IL36RN: variants seen among roughly 807,000 people sequenced by gnomAD.
IL36RN encodes interleukin 36 receptor antagonist, also known as interleukin-36 receptor antagonist protein.
A neutral mutation model predicts 13.0 loss-of-function variants in IL36RN; 11 were observed. The observed-to-expected ratio is 0.85, with a 90% CI of 0.53 to 1.40. IL36RN has a LOEUF of 1.40. IL36RN is among the 40% of genes most tolerant of loss of function. The pLI is 0.00. For missense variants in IL36RN, 195 were observed against 195.3 expected, an observed-to-expected ratio of 1.00 and a Z score of 0.01; for synonymous variants, 94 against 84.1, an observed-to-expected ratio of 1.12 and a Z score of -0.64.
Position 113,062,934 on chromosome 2 carries a change from C to A in IL36RN, c.*257C>A. On this transcript the variant is annotated 3_prime_UTR_variant, in exon 5 of 5. Transcript: ENST00000393200. ...ACCATGTGGGGTAAACTGGGAATAA[C>A]ATGAAAAGATTTCTGTGGAGGTGGG... The A allele has an allele frequency of 7.8e-6, 4 of 515,032 alleles. No homozygotes were observed. The highest frequency in any genetic ancestry group is 3.6e-5 in the East Asian group (1 of 27,698). 31.9% of individuals were successfully genotyped at this position (515,032 alleles called of 1,614,324 possible).
intron 3 of IL36RN, among the ~76,000 whole-genome samples, chr2:113,061,584 A>C (rs1209437024): frequency 6.6e-6 from 1 of 151,574 alleles, no homozygotes; most frequent in Non-Finnish European, 1.5e-5. Context: ...GCATGTGTGC[A>C]TGCATGTATC....
chr2:113,060,772 A>G, intron 2 of IL36RN, 80 bp from the exon 3 acceptor site: 1 of 960,170 alleles, frequency 1.0e-6, no homozygotes, highest in Non-Finnish European at 1.7e-6. Flanking sequence ...GCCTGAGATC[A>G]GGGGGTTCTC....
rs1477198035 is a variant in IL36RN, at chr2:113,064,585, G to C, written c.*1908G>C. ...CATGCTATGAGCAGGCCTATAAAGA[G>C]ACTTACGTGGTAAAAAATGAAGTCT... is the stretch of plus-strand genomic sequence containing the variant. On this transcript the variant is annotated 3_prime_UTR_variant, in exon 5 of 5. Coordinates refer to ENST00000393200, the MANE Select transcript of IL36RN (RefSeq NM_012275.3). The C allele has an allele frequency of 1.3e-5, 2 of 152,144 alleles. No individual in the cohort carries two copies. Among genetic ancestry groups the C allele is most frequent in the Non-Finnish European group, 2.9e-5 (2 of 68,036 alleles). The allele number at this position is 152,144 out of a possible 1,614,324, so 9.4% of individuals were successfully genotyped here. A position where few individuals can be genotyped will look rare whatever the true frequency, so the allele number is the denominator to read the frequency against.
intron 2 of IL36RN, among the ~76,000 whole-genome samples, chr2:113,060,228 A>T (rs1573386000): frequency 1.3e-5 from 2 of 152,170 alleles, no homozygotes; most frequent in South Asian, 4.1e-4. Context: ...CTTTTCCCCC[A>T]TATAACTTTT....
chr2:113,060,498 G>A (rs764813483), intron 2 of IL36RN, among the ~76,000 whole-genome samples: 1 of 152,244 alleles, frequency 6.6e-6, no homozygotes, highest in Admixed American at 6.5e-5. Flanking sequence ...CAGGCCCAGA[G>A]TGGGCGAGAG....
chr2:113,060,768 G>C (rs556958016), intron 2 of IL36RN, 84 bp from the exon 3 acceptor site: 2 of 937,176 alleles, frequency 2.1e-6, no homozygotes, highest in East Asian at 2.5e-5. Flanking sequence ...AAATGCCTGA[G>C]ATCAGGGGGT....
intron 3 of IL36RN, among the ~76,000 whole-genome samples, chr2:113,061,921 G>A (rs886968059): frequency 9.9e-5 from 15 of 152,152 alleles, no homozygotes; most frequent in Non-Finnish European, 2.2e-4. Flanking sequence ...TGGAGTGGAG[G>A]TGGTACAATG....
chr2:113,059,363 C>A (rs2278716), intron 1 of IL36RN, 49 bp from the exon 2 acceptor site: 1 of 1,538,446 alleles, frequency 6.5e-7, no homozygotes, highest in African/African-American at 1.4e-5. Context: ...CAGACCCCAG[C>A]CAACTCAGCC....
In IL36RN at chr2:113,061,585, T is replaced by C. The variant is rs1685640246; in HGVS notation, c.116-539T>C. ...GCATATATGTGTGAGCATGTGTGCA[T>C]GCATGTATCTGTGTGTAACCATGTA... On this transcript the variant is annotated intron_variant, in intron 3 of 4. Transcript: ENST00000393200. Among the ~76,000 whole-genome samples, 8 of 151,816 alleles carry C rather than the reference T, an allele frequency of 5.3e-5. No individual in the cohort carries two copies. The South Asian group carries it at 1.7e-3, about 32-fold the overall frequency.
upstream of IL36RN, chr2:113,058,849 T>A: frequency 6.8e-6 from 1 of 147,518 alleles, no homozygotes; most frequent in Non-Finnish European, 1.5e-5. Flanking sequence ...AGGGAGTGAG[T>A]GAATGAAAGA....
At chr2:113,059,615 GT>G (rs1311809327) in intron 2 of IL36RN, 148 bp downstream of exon 2, 8 of 888,054 alleles carry the variant, frequency 9.0e-6, no homozygotes, top group Non-Finnish European at 1.5e-5. Flanking sequence ...TGCTCTTAGA[GT>G]TTTCCCAGCC....
In IL36RN at chr2:113,059,453, G is replaced by A. The variant is rs1277715547; in HGVS notation, c.15G>A (p.Gly5=). 6.2e-7 allele frequency: 1 copy of A among 1,613,952 alleles called. No homozygotes were observed. Among genetic ancestry groups the A allele is most frequent in the East Asian group, 2.2e-5 (1 of 44,882 alleles). ...TGGAGCTCAAGATGGTCCTGAGTGG[G>A]GCGCTGTGCTTCCGGTGAGTGTATG... MVLS[G]ALCFRMKDSA... is the part of the protein sequence containing the mutation. The change falls in exon 2 of 5, where the codon GGG becomes GGA. Residue 5 remains glycine (G), a synonymous_variant. Coordinates refer to ENST00000393200, the MANE Select transcript of IL36RN (RefSeq NM_012275.3).
chr2:113,059,513 G>T (rs369889841), intron 2 of IL36RN, 46 bp downstream of exon 2: 39 of 1,610,056 alleles, frequency 2.4e-5, no homozygotes, highest in Non-Finnish European at 3.1e-5. Flanking sequence ...CGGAGGAAGT[G>T]AGTTCTGGAT....
intron 2 of IL36RN, among the ~76,000 whole-genome samples, chr2:113,060,243 A>G (rs1685614237): frequency 6.6e-6 from 1 of 152,182 alleles, no homozygotes; most frequent in Non-Finnish European, 1.5e-5. Context: ...ACTTTTGGAG[A>G]AACCCACTTT....
In IL36RN at chr2:113,060,876, G is replaced by A. The variant is rs1685627748; in HGVS notation, c.54G>A (p.Val18=). Residue 18 remains valine, a synonymous_variant, in exon 3 of 5, where the codon GTG becomes GTA. Coordinates refer to ENST00000393200, the MANE Select transcript of IL36RN (RefSeq NM_012275.3). ...CFRMKDSALK[V]LYLHNNQLLA... is the part of the protein sequence containing the mutation. Reference sequence around the variant, plus strand: ...GAATGAAGGACTCGGCATTGAAGGTGCTTTATCTGCATAATAACCAGCTTC... The same window carrying A: ...GAATGAAGGACTCGGCATTGAAGGTACTTTATCTGCATAATAACCAGCTTC... 1.9e-6 allele frequency: 3 copies of A among 1,614,024 alleles called. No individual in the cohort carries two copies. The highest frequency in any genetic ancestry group is 2.7e-5 in the African/African-American group (2 of 74,938).
In IL36RN at chr2:113,063,672, C is replaced by G. The variant is rs995197120; in HGVS notation, c.*995C>G. ...AGCCTCCACTTCCCCAGAGTAAATTCAAATTGAATCGAGCTCTGCTGCTCT... is the reference window on the plus strand; with the variant it reads ...AGCCTCCACTTCCCCAGAGTAAATTGAAATTGAATCGAGCTCTGCTGCTCT... On this transcript the variant is annotated 3_prime_UTR_variant, in exon 5 of 5. Transcript: ENST00000393200. 6.6e-6 allele frequency: 1 copy of G among 152,142 alleles called. No homozygotes were observed. The allele number at this position is 152,142 out of a possible 1,614,324, so 9.4% of individuals were successfully genotyped here.
chr2:113,060,447 T>C (rs1685618427), intron 2 of IL36RN, among the ~76,000 whole-genome samples: 2 of 152,196 alleles, frequency 1.3e-5, no homozygotes, highest in South Asian at 4.1e-4. Flanking sequence ...GAGGCCTGGA[T>C]GTTATCCAAC....
chr2:113,064,653 G>C lies in IL36RN; in HGVS notation c.*1976G>C, dbSNP rs1685708777. 1 of 152,208 alleles carries C rather than the reference G, an allele frequency of 6.6e-6. No individual in the cohort carries two copies. Among genetic ancestry groups the C allele is most frequent in the Non-Finnish European group, 1.5e-5 (1 of 68,050 alleles). 9.4% of individuals were successfully genotyped at this position (152,208 alleles called of 1,614,324 possible). On this transcript the variant is annotated 3_prime_UTR_variant, in exon 5 of 5. Coordinates refer to ENST00000393200, the MANE Select transcript of IL36RN (RefSeq NM_012275.3). ...TAGTGAACCTAGAAGCAGAGACTCT[G>C]TGAGATAATCGATGTTTGTTGTTTT... is the stretch of plus-strand genomic sequence containing the variant.
Position 113,061,006 on chromosome 2 carries a change from G to T in IL36RN, c.115+69G>T. 2.6e-6 allele frequency: 3 copies of T among 1,168,196 alleles called. No homozygotes were observed. The South Asian group carries it at 3.7e-5, about 15-fold the overall frequency. 72.4% of individuals were successfully genotyped at this position (1,168,196 alleles called of 1,614,324 possible). A position where few individuals can be genotyped will look rare whatever the true frequency, so the allele number is the denominator to read the frequency against. ...TCTCAGGGGAGGGGGCCTGAAGAGG[G>T]CTTAGAATAGTCATACAGATTAGCA... On this transcript the variant is annotated intron_variant, in intron 3 of 4. Coordinates refer to ENST00000393200, the MANE Select transcript of IL36RN (RefSeq NM_012275.3).
Sources: allele counts gnomAD v4.1 joint callset (sites outside exome capture counted in the v4.1 genomes callset), GRCh38; gene constraint gnomAD v4.1.1; transcripts MANE v1.5; gene names NCBI Gene and HGNC (gene_info 2026-07-23, HGNC 2026-07-21).